Variants in C1orf94 observed in about 807,000 individuals in gnomAD.
C1orf94 encodes uncharacterized protein C1orf94.
C1orf94 carries 45 observed loss-of-function variants against 53.6 expected under a neutral mutation model. That is an observed-to-expected ratio of 0.84 (90% CI 0.66 to 1.08). The LOEUF is 1.08. Among genes scored for constraint, C1orf94 ranks in the 50% least tolerant of loss-of-function variants. C1orf94 has a pLI of 0.00. For synonymous variants in C1orf94, 304 were observed against 296.1 expected, an observed-to-expected ratio of 1.03 and a Z score of -0.27; for missense variants, 762 against 738.9, an observed-to-expected ratio of 1.03 and a Z score of -0.36.
rs1190774533 is a variant in C1orf94, at chr1:34,177,762, G to C, written c.-28G>C. 6.6e-7 allele frequency: 1 copy of C among 1,507,078 alleles called. No homozygotes were observed. The highest frequency in any genetic ancestry group is 1.4e-5 in the African/African-American group (1 of 72,090). The allele number at this position is 1,507,078 out of a possible 1,614,324, so 93.4% of individuals were successfully genotyped here. ...GACAGAACTGACCCACTTCTGCCAA[G>C]CCCCATCCTCATCTCCCTTTCTGGT... On this transcript the variant is annotated 5_prime_UTR_variant, in exon 1 of 7. Transcript: ENST00000488417.
intron 1 of C1orf94, among the ~76,000 whole-genome samples, chr1:34,167,906 C>T (rs975858085): frequency 1.1e-4 from 16 of 152,186 alleles, no homozygotes; most frequent in Non-Finnish European, 1.9e-4. Flanking sequence ...GATTCATTTA[C>T]TCAACAAATA....
rs146882010 is a variant in C1orf94 at position 34,181,720 on chromosome 1, C to T, written c.320+3611C>T. 1.8e-4 allele frequency among the ~76,000 whole-genome samples: 28 copies of T among 152,240 alleles called. 1 individual carries two copies. The highest frequency in any genetic ancestry group is 6.7e-4 in the African/African-American group (28 of 41,556). On this transcript the variant is annotated intron_variant, in intron 1 of 6. Transcript: ENST00000488417. ...CCCATAAGAAACACACAAAAATAAA[C>T]AAGATAATTTCAGTGACAACTGTGA...
intron 5 of C1orf94, among the ~76,000 whole-genome samples, chr1:34,209,674 G>T (rs747414158): frequency 2.0e-5 from 3 of 152,088 alleles, no homozygotes; most frequent in Non-Finnish European, 2.9e-5. Context: ...AGCCTGCAGG[G>T]GTAGGGAGCC....
chr1:34,185,582 C>T (rs1000366573), intron 1 of C1orf94, among the ~76,000 whole-genome samples: 1 of 152,216 alleles, frequency 6.6e-6, no homozygotes, highest in African/African-American at 2.4e-5. Context: ...TGCTGGCAGA[C>T]ACTGGCTCTT....
chr1:34,175,261 G>A (rs1642208758), upstream of C1orf94, among the ~76,000 whole-genome samples: 3 of 151,148 alleles, frequency 2.0e-5, no homozygotes, highest in Admixed American at 2.0e-4. Context: ...CTGAGGGGGA[G>A]AGGGAACAGG....
chr1:34,216,136 A>C (rs1026903172), intron 6 of C1orf94, among the ~76,000 whole-genome samples: 1 of 152,260 alleles, frequency 6.6e-6, no homozygotes, highest in African/African-American at 2.4e-5. Context: ...GTCATTAGAC[A>C]GATGGGTGGA....
intron 1 of C1orf94, among the ~76,000 whole-genome samples, chr1:34,169,440 A>AT (rs1167496925): frequency 6.6e-6 from 1 of 152,198 alleles, no homozygotes; most frequent in Non-Finnish European, 1.5e-5. Context: ...ACTAGCCAAG[A>AT]TAAGCCTAAT....
At chr1:34,212,509 T>C (rs1184088628) in intron 6 of C1orf94, 103 bp downstream of exon 6, 35 of 1,204,674 alleles carry the variant, frequency 2.9e-5, no homozygotes, top group Non-Finnish European at 3.9e-5. Context: ...GTGTGTTCCA[T>C]GGCTGTGGGG....
intron 5 of C1orf94, among the ~76,000 whole-genome samples, chr1:34,208,921 G>A (rs1642846469): frequency 6.6e-6 from 1 of 152,190 alleles, no homozygotes; most frequent in Admixed American, 6.5e-5. Context: ...GTGAGACTGA[G>A]GAGTCATATT....
intron 1 of C1orf94, among the ~76,000 whole-genome samples, chr1:34,179,833 G>A (rs1250397224): frequency 1.3e-5 from 2 of 152,208 alleles, no homozygotes; most frequent in Admixed American, 1.3e-4. Context: ...GTGGAGTCAA[G>A]TGGGCTGGTT....
chr1:34,191,861 A>C (rs1642498342), intron 1 of C1orf94, among the ~76,000 whole-genome samples: 2 of 152,204 alleles, frequency 1.3e-5, no homozygotes, highest in African/African-American at 4.8e-5. Flanking sequence ...GGTGCCAACC[A>C]GTCAATAGCC....
At chr1:34,204,624 C>T (rs139618973) in intron 4 of C1orf94, among the ~76,000 whole-genome samples, 54 of 152,280 alleles carry the variant, frequency 3.5e-4, no homozygotes, top group African/African-American at 1.1e-3. Flanking sequence ...CACCTACTCA[C>T]GATTTACTCA....
Position 34,176,914 on chromosome 1 carries a change from G to C in C1orf94, c.-876G>C, listed in dbSNP as rs1642234407. On this transcript the variant is annotated 5_prime_UTR_variant, in exon 1 of 7. Transcript: ENST00000488417. ...CCGAACCCAGGGCGCCCCGCGCACC[G>C]AGCCGTTGCGTTTGAAACCCACAGA... Among the ~76,000 whole-genome samples, 1 of 138,680 alleles carries C rather than the reference G, an allele frequency of 7.2e-6. No homozygotes were observed. Among genetic ancestry groups the C allele is most frequent in the Admixed American group, 7.1e-5 (1 of 14,096 alleles). 91.0% of individuals were successfully genotyped at this position (138,680 alleles called of 152,430 possible). A position where few individuals can be genotyped will look rare whatever the true frequency, so the allele number is the denominator to read the frequency against.
At chr1:34,193,699 C>A (rs1053207738) in intron 1 of C1orf94, among the ~76,000 whole-genome samples, 3 of 152,188 alleles carry the variant, frequency 2.0e-5, no homozygotes, top group Non-Finnish European at 2.9e-5. Context: ...CAGGCTACTG[C>A]CCAGGCATAT....
intron 2 of C1orf94, among the ~76,000 whole-genome samples, chr1:34,198,560 A>T (rs988520870): frequency 2.0e-5 from 3 of 152,226 alleles, no homozygotes; most frequent in African/African-American, 7.2e-5. Flanking sequence ...AACCAGTCAG[A>T]CTATATGGTT....
In C1orf94 at chr1:34,202,094, T is replaced by C. The variant is rs755371890; in HGVS notation, c.1281T>C (p.Pro427=). 78 of 1,613,520 alleles carry C rather than the reference T, an allele frequency of 4.8e-5. No homozygotes were observed. Among genetic ancestry groups the C allele is most frequent in the Non-Finnish European group, 6.0e-5 (71 of 1,179,764 alleles). Residue 427 remains proline, a synonymous_variant, in exon 4 of 7, where the codon CCT becomes CCC. Transcript: ENST00000488417. ...VDGPELKFNA[P]VTVADKNNPK... is the part of the protein sequence containing the mutation. The stretch of plus-strand genomic sequence containing the variant: ...TCCTGTGACTTGCAGTTAACGCACC[T>C]GTGACGGTTGCTGACAAGAACAACC...
At chr1:34,187,142 G>A (rs575534304) in intron 1 of C1orf94, among the ~76,000 whole-genome samples, 1 of 152,252 alleles carries the variant, frequency 6.6e-6, no homozygotes, top group South Asian at 2.1e-4. Context: ...ATAGGTGCCA[G>A]GCTCTATATT....
chr1:34,173,506 G>A (rs1642177961), upstream of C1orf94, among the ~76,000 whole-genome samples: 1 of 152,162 alleles, frequency 6.6e-6, no homozygotes, highest in Non-Finnish European at 1.5e-5. Context: ...TGACTGGATG[G>A]GAGGTAAGGA....
chr1:34,210,827 G>A (rs901915465), intron 5 of C1orf94, among the ~76,000 whole-genome samples: 1 of 152,068 alleles, frequency 6.6e-6, no homozygotes, highest in South Asian at 2.1e-4. Flanking sequence ...ACTAATTGTT[G>A]TATTTTTGGT....
Sources: gnomAD v4.1 joint callset for allele counts (sites outside exome capture counted in the v4.1 genomes callset) on GRCh38, gnomAD v4.1.1 for gene constraint, MANE v1.5 for transcripts, NCBI Gene and HGNC (gene_info 2026-07-23, HGNC 2026-07-21) for gene names.